Variants in RFPL1 observed in about 807,000 individuals in gnomAD.
RFPL1 encodes ret finger protein-like 1.
RFPL1 carries 6 observed loss-of-function variants against 9.6 expected under a neutral mutation model. The ratio of observed to expected loss-of-function variants is 0.62; its 90% CI spans 0.34 to 1.23. The LOEUF (loss-of-function observed/expected upper bound fraction) is 1.23. Among genes scored for constraint, RFPL1 ranks in the 50% most tolerant of loss-of-function variants. The pLI, the probability that RFPL1 is intolerant of heterozygous loss-of-function variation, is 0.03. For synonymous variants in RFPL1, 145 were observed against 149.4 expected, an observed-to-expected ratio of 0.97 and a Z score of 0.22; for missense variants, 352 against 398.4, an observed-to-expected ratio of 0.88 and a Z score of 0.99.
chr22:29,423,042 C>G, the RFPL1 span: 2 of 978,194 alleles, frequency 2.0e-6, no homozygotes, highest in African/African-American at 1.6e-5. Flanking sequence ...ATTCCCACCC[C>G]TACTCCCTAC....
At chr22:29,416,621 G>A in the RFPL1 span, among the ~76,000 whole-genome samples, 1 of 152,166 alleles carries the variant, frequency 6.6e-6, no homozygotes, top group African/African-American at 2.4e-5. Flanking sequence ...TGCTGGTTCT[G>A]GAGGGTCGCA....
At chr22:29,390,293 A>G in the RFPL1 span, among the ~76,000 whole-genome samples, 1 of 152,212 alleles carries the variant, frequency 6.6e-6, no homozygotes, top group African/African-American at 2.4e-5. Context: ...ACTTACTGCT[A>G]AGTGCACTTA....
chr22:29,433,168 T>C, the RFPL1 span, among the ~76,000 whole-genome samples: 2 of 151,814 alleles, frequency 1.3e-5, no homozygotes, highest in African/African-American at 4.8e-5. Flanking sequence ...TGGCAGTGCC[T>C]GTAATCCCAG....
the RFPL1 span, among the ~76,000 whole-genome samples, chr22:29,413,227 GA>G: frequency 1.3e-5 from 2 of 151,856 alleles, no homozygotes; most frequent in Non-Finnish European, 2.9e-5. Context: ...TAAAAATTCA[GA>G]ACCTCATCAA....
At chr22:29,439,357 G>A in intron 1 of RFPL1, 193 bp downstream of exon 1, 1 of 869,896 alleles carries the variant, frequency 1.1e-6, no homozygotes. Flanking sequence ...AGGCTGGCTG[G>A]GCATGGTGGC....
the RFPL1 span, among the ~76,000 whole-genome samples, chr22:29,388,169 G>A: frequency 2.4e-4 from 37 of 152,256 alleles, no homozygotes; most frequent in African/African-American, 8.4e-4. Flanking sequence ...CGGGGCCTAA[G>A]TCCTGTCTCT....
chr22:29,420,638 T>TTTTG, the RFPL1 span, among the ~76,000 whole-genome samples: 1 of 129,654 alleles, frequency 7.7e-6, no homozygotes, highest in African/African-American at 2.9e-5. Context: ...TTTTTGCTTT[T>TTTTG]TTTTTTTTTT....
the RFPL1 span, among the ~76,000 whole-genome samples, chr22:29,388,111 G>C: frequency 6.6e-6 from 1 of 152,252 alleles, no homozygotes; most frequent in Non-Finnish European, 1.5e-5. Flanking sequence ...GTCCGAAAGA[G>C]GAAATCAGAG....
At chr22:29,438,551 G>C (rs979200655), upstream of RFPL1, 4 of 1,355,278 alleles carry the variant, frequency 3.0e-6, no homozygotes, top group African/African-American at 5.9e-5. Context: ...GAGGTGAAAT[G>C]ACCCCAGCTC....
chr22:29,400,736 C>T, the RFPL1 span, among the ~76,000 whole-genome samples: 1 of 152,202 alleles, frequency 6.6e-6, no homozygotes, highest in African/African-American at 2.4e-5. Flanking sequence ...TTTCTCACCT[C>T]TAGTTCACTC....
the RFPL1 span, among the ~76,000 whole-genome samples, chr22:29,392,988 C>T: frequency 6.6e-6 from 1 of 152,208 alleles, no homozygotes. Flanking sequence ...CAGGGTATGG[C>T]ACAATCCCCC....
At chr22:29,404,890 C>T in the RFPL1 span, among the ~76,000 whole-genome samples, 1 of 152,134 alleles carries the variant, frequency 6.6e-6, no homozygotes, top group African/African-American at 2.4e-5. Flanking sequence ...CCACACCTGG[C>T]TAATTTTTAA....
chr22:29,398,320 C>T, the RFPL1 span, among the ~76,000 whole-genome samples: 3 of 152,178 alleles, frequency 2.0e-5, no homozygotes, highest in African/African-American at 4.8e-5. Flanking sequence ...AGCTAGGACT[C>T]GTAATAATGG....
chr22:29,400,007 T>G, the RFPL1 span, among the ~76,000 whole-genome samples: 2 of 149,246 alleles, frequency 1.3e-5, no homozygotes, highest in African/African-American at 4.9e-5. Flanking sequence ...TTTTTTTTTT[T>G]TTTTTTGAGA....
chr22:29,390,555 T>C, the RFPL1 span, among the ~76,000 whole-genome samples: 5 of 151,010 alleles, frequency 3.3e-5, no homozygotes, highest in Admixed American at 6.6e-5. Context: ...TAAAATACCG[T>C]TATCTAAATT....
chr22:29,437,942 A>T, upstream of RFPL1: 2 of 442,044 alleles, frequency 4.5e-6, no homozygotes, highest in Non-Finnish European at 7.8e-6. Context: ...CCAAGGCTGG[A>T]GAAGGATGTG....
chr22:29,390,582 T>TTTTTTTTATTTATTTA, the RFPL1 span, among the ~76,000 whole-genome samples: 2 of 146,838 alleles, frequency 1.4e-5, no homozygotes, highest in African/African-American at 5.1e-5. Context: ...CTTATTCCAT[T>TTTTTTTTATTTATTTA]TTTATTTATT....
At chr22:29,427,439 T>A in the RFPL1 span, among the ~76,000 whole-genome samples, 1 of 152,204 alleles carries the variant, frequency 6.6e-6, no homozygotes, top group Non-Finnish European at 1.5e-5. Flanking sequence ...CTTGACCTAG[T>A]GTCACCTGGC....
At chr22:29,403,128 T>TA in the RFPL1 span, among the ~76,000 whole-genome samples, 5 of 152,118 alleles carry the variant, frequency 3.3e-5, no homozygotes, top group Admixed American at 6.6e-5. Context: ...CTTTTTGAAA[T>TA]AAGACAGAAG....
Sources: allele counts gnomAD v4.1 joint callset (sites outside exome capture counted in the v4.1 genomes callset), GRCh38; gene constraint gnomAD v4.1.1; transcripts MANE v1.5; gene names NCBI Gene and HGNC (gene_info 2026-07-23, HGNC 2026-07-21).